EFCAB11: variants seen among roughly 807,000 people sequenced by gnomAD.
EFCAB11 encodes EF-hand calcium binding domain 11, also known as EF-hand calcium-binding domain-containing protein 11.
In EFCAB11, 14 loss-of-function variants were observed where a neutral mutation model predicts 23.0. The ratio of observed to expected loss-of-function variants is 0.61; its 90% CI spans 0.40 to 0.95. The LOEUF is 0.95. Ranked by LOEUF, EFCAB11 falls within the 40% of genes least tolerant of loss-of-function variation. The pLI is 0.00. For synonymous variants in EFCAB11, 65 were observed against 66.6 expected, an observed-to-expected ratio of 0.98 and a Z score of 0.11; for missense variants, 198 against 195.8, an observed-to-expected ratio of 1.01 and a Z score of -0.07.
At chr14:89,840,476 T>C (rs1369515322) in intron 5 of EFCAB11, among the ~76,000 whole-genome samples, 1 of 152,190 alleles carries the variant, frequency 6.6e-6, no homozygotes, top group African/African-American at 2.4e-5. Context: ...CATGTTCAAG[T>C]CTTAGGAGGC....
intron 5 of EFCAB11, among the ~76,000 whole-genome samples, chr14:89,809,809 C>A (rs552309957): frequency 1.3e-5 from 2 of 152,252 alleles, no homozygotes; most frequent in African/African-American, 4.8e-5. Context: ...CCGTCAATGG[C>A]GTCCCAATGA....
intron 5 of EFCAB11, among the ~76,000 whole-genome samples, chr14:89,827,702 T>C (rs1021208014): frequency 2.0e-5 from 3 of 151,024 alleles, no homozygotes; most frequent in Non-Finnish European, 4.4e-5. Context: ...GGTGCAATCT[T>C]GGCTCATTGT....
chr14:89,950,358 G>A (rs1476370835), intron 2 of EFCAB11, among the ~76,000 whole-genome samples: 1 of 152,058 alleles, frequency 6.6e-6, no homozygotes, highest in African/African-American at 2.4e-5. Flanking sequence ...GTCCCTAATA[G>A]CCCCCAAAAC....
At chr14:89,891,063 G>A (rs1888948980) in intron 5 of EFCAB11, among the ~76,000 whole-genome samples, 1 of 152,212 alleles carries the variant, frequency 6.6e-6, no homozygotes, top group Non-Finnish European at 1.5e-5. Context: ...AGTGAATACA[G>A]AAACTTCCAT....
intron 5 of EFCAB11, among the ~76,000 whole-genome samples, chr14:89,850,768 T>C (rs1484487982): frequency 6.6e-6 from 1 of 152,246 alleles, no homozygotes; most frequent in East Asian, 1.9e-4. Flanking sequence ...CATTTAACTT[T>C]CACCTCTAAA....
chr14:89,869,465 G>A (rs907963487), intron 5 of EFCAB11, among the ~76,000 whole-genome samples: 1 of 152,000 alleles, frequency 6.6e-6, no homozygotes, highest in African/African-American at 2.4e-5. Flanking sequence ...ACAACTGTAA[G>A]ACATTCTCAC....
At chr14:89,841,125 T>G (rs1207376971) in intron 5 of EFCAB11, among the ~76,000 whole-genome samples, 11 of 152,174 alleles carry the variant, frequency 7.2e-5, no homozygotes. Flanking sequence ...CTGAGTACCA[T>G]GGAATTTCCA....
chr14:89,821,841 T>C (rs1250879095), intron 5 of EFCAB11, among the ~76,000 whole-genome samples: 1 of 152,246 alleles, frequency 6.6e-6, no homozygotes, highest in African/African-American at 2.4e-5. Context: ...GCAATAATCA[T>C]GACTTTCTTG....
intron 5 of EFCAB11, among the ~76,000 whole-genome samples, chr14:89,854,263 T>G (rs113534293): frequency 0.03 from 4,592 of 151,146 alleles, 103 homozygotes; most frequent in South Asian, 0.094. Flanking sequence ...CATTTAAGAT[T>G]GCCAAATCCT....
intron 5 of EFCAB11, among the ~76,000 whole-genome samples, chr14:89,902,995 T>C (rs1367046884): frequency 6.6e-6 from 1 of 152,186 alleles, no homozygotes; most frequent in Non-Finnish European, 1.5e-5. Flanking sequence ...GCTTCTAAAA[T>C]GTGGTTCCTT....
rs556996927 is a variant in EFCAB11, at chr14:89,832,836, C to T, written c.411-35512G>A. Among the ~76,000 whole-genome samples, 9 of 152,218 alleles carry T rather than the reference C, an allele frequency of 5.9e-5. No homozygotes were observed. In the East Asian group the frequency reaches 7.7e-4, roughly 13 times the overall value. On this transcript the variant is annotated intron_variant, in intron 5 of 5. Transcript: ENST00000316738. ...TACTCAAAGTACGGTTTCTACTCAACGCCTATCTCTTCAACACCACTGTAA... is the reference window on the plus strand; with the variant it reads ...TACTCAAAGTACGGTTTCTACTCAATGCCTATCTCTTCAACACCACTGTAA...
chr14:89,920,791 G>T (rs61073988), intron 5 of EFCAB11, among the ~76,000 whole-genome samples: 1 of 152,116 alleles, frequency 6.6e-6, no homozygotes, highest in Non-Finnish European at 1.5e-5. Flanking sequence ...AGGGCCGGGC[G>T]TGGTGGCTCA....
intron 5 of EFCAB11, among the ~76,000 whole-genome samples, chr14:89,843,871 A>G (rs1238541208): frequency 1.3e-5 from 2 of 152,268 alleles, no homozygotes; most frequent in African/African-American, 4.8e-5. Context: ...GCCTTCATGT[A>G]TTGAGAAACT....
At chr14:89,812,080 T>C (rs10137667) in intron 5 of EFCAB11, among the ~76,000 whole-genome samples, 2,359 of 152,264 alleles carry the variant, frequency 0.015, 60 homozygotes, top group African/African-American at 0.053. Flanking sequence ...TCTCTGAGCT[T>C]ATAAGCCTGG....
chr14:89,924,560 G>A, intron 5 of EFCAB11: 1 of 1,525,968 alleles, frequency 6.6e-7, no homozygotes, highest in South Asian at 1.2e-5. Flanking sequence ...ACATATCCAT[G>A]CAGAGAAAAA....
chr14:89,888,323 C>T (rs1487130026), intron 5 of EFCAB11, among the ~76,000 whole-genome samples: 1 of 152,176 alleles, frequency 6.6e-6, no homozygotes, highest in Non-Finnish European at 1.5e-5. Context: ...TCTTGCATTG[C>T]TATAAAGAAA....
At chr14:89,954,488 T>A (rs2139860238) in intron 1 of EFCAB11, 98 bp downstream of exon 1, 2 of 1,553,774 alleles carry the variant, frequency 1.3e-6, no homozygotes, top group South Asian at 2.3e-5. Context: ...CCAGGTCTTA[T>A]CTGCACACCC....
At chr14:89,853,221 T>A (rs912319166) in intron 5 of EFCAB11, among the ~76,000 whole-genome samples, 11 of 151,920 alleles carry the variant, frequency 7.2e-5, no homozygotes, top group African/African-American at 2.7e-4. Flanking sequence ...CTAATTGGAG[T>A]AGAAGTGCCT....
chr14:89,924,638 C>G (rs1338113290), intron 5 of EFCAB11: 1 of 1,535,694 alleles, frequency 6.5e-7, no homozygotes, highest in Admixed American at 2.0e-5. Flanking sequence ...AGTCAGCTTC[C>G]TGATGACAGC....
Sources: allele counts gnomAD v4.1 joint callset (sites outside exome capture counted in the v4.1 genomes callset), GRCh38; gene constraint gnomAD v4.1.1; transcripts MANE v1.5; gene names NCBI Gene and HGNC (gene_info 2026-07-23, HGNC 2026-07-21).